The following IQCM variants were observed in gnomAD, a reference collection of about 807,000 sequenced individuals.
IQCM encodes the protein IQ domain-containing protein M.
A neutral mutation model predicts 57.6 loss-of-function variants in IQCM; 45 were observed. The ratio of observed to expected loss-of-function variants is 0.78; its 90% CI spans 0.62 to 1.00. The LOEUF (loss-of-function observed/expected upper bound fraction) is 1.00, where lower values mean the gene tolerates loss of function less well. Ranked by LOEUF, IQCM falls within the 50% of genes least tolerant of loss-of-function variation. IQCM has a pLI of 0.00. For missense variants in IQCM, 468 were observed against 511.6 expected (o/e 0.91, Z 0.82); for synonymous variants, 148 against 158.9 (o/e 0.93, Z 0.51).
intron 13 of IQCM, among the ~76,000 whole-genome samples, chr4:149,361,371 T>C (rs1267654814): frequency 1.3e-5 from 2 of 152,190 alleles, no homozygotes; most frequent in Non-Finnish European, 2.9e-5. Flanking sequence ...AGGAACCTAA[T>C]GTTAACCCCC....
At chr4:149,502,140 TTA>T (rs1187998659) in intron 12 of IQCM, among the ~76,000 whole-genome samples, 213 of 150,462 alleles carry the variant, frequency 1.4e-3, no homozygotes, top group African/African-American at 4.8e-3. Flanking sequence ...TTTTTTATAA[TTA>T]TATATATATA....
intron 12 of IQCM, among the ~76,000 whole-genome samples, chr4:149,459,721 A>G (rs1453539002): frequency 6.6e-6 from 1 of 152,194 alleles, no homozygotes; most frequent in Non-Finnish European, 1.5e-5. Context: ...TTCACATAGC[A>G]TAATGTCCTC....
chr4:149,698,084 C>G (rs1013444600), intron 5 of IQCM, among the ~76,000 whole-genome samples: 1 of 151,934 alleles, frequency 6.6e-6, no homozygotes, highest in Middle Eastern at 3.2e-3. Flanking sequence ...GACGGGTTGT[C>G]TGAATACTTT....
intron 2 of IQCM, among the ~76,000 whole-genome samples, chr4:149,794,248 C>T (rs929169640): frequency 1.6e-4 from 25 of 152,220 alleles, no homozygotes; most frequent in Admixed American, 1.6e-3. Context: ...GGATAAATCC[C>T]TCCCACATTT....
At chr4:149,525,896 A>G (rs1305709603) in intron 12 of IQCM, among the ~76,000 whole-genome samples, 2 of 151,872 alleles carry the variant, frequency 1.3e-5, no homozygotes, top group African/African-American at 4.8e-5. Context: ...ATCAGTAAGA[A>G]AAAGACAAAT....
intron 12 of IQCM, among the ~76,000 whole-genome samples, chr4:149,439,356 C>T (rs896311051): frequency 2.0e-5 from 3 of 152,040 alleles, no homozygotes; most frequent in African/African-American, 7.2e-5. Context: ...ATTAAATAGA[C>T]TTTCAAGTAT....
intron 9 of IQCM, among the ~76,000 whole-genome samples, chr4:149,587,717 G>T (rs1752768494): frequency 6.6e-6 from 1 of 151,718 alleles, no homozygotes; most frequent in Admixed American, 6.6e-5. Context: ...AACTTCAGCT[G>T]GGTCTACTAA....
intron 5 of IQCM, among the ~76,000 whole-genome samples, chr4:149,711,377 G>T (rs1009291545): frequency 6.6e-6 from 1 of 152,138 alleles, no homozygotes; most frequent in African/African-American, 2.4e-5. Context: ...ACTAAATTCA[G>T]ATTCAAATCC....
intron 2 of IQCM, among the ~76,000 whole-genome samples, chr4:149,747,901 T>G (rs1768080523): frequency 6.6e-6 from 1 of 152,184 alleles, no homozygotes; most frequent in Non-Finnish European, 1.5e-5. Context: ...GATATCACTT[T>G]AGCTAACACA....
chr4:149,470,120 G>A (rs369237608), intron 12 of IQCM, among the ~76,000 whole-genome samples: 4 of 151,902 alleles, frequency 2.6e-5, no homozygotes, highest in East Asian at 3.9e-4. Flanking sequence ...TTCACACATA[G>A]CAATATTAAC....
intron 2 of IQCM, among the ~76,000 whole-genome samples, chr4:149,813,954 T>A (rs1308260382): frequency 2.0e-5 from 3 of 152,008 alleles, no homozygotes; most frequent in Non-Finnish European, 4.4e-5. Flanking sequence ...AACCTCCCAA[T>A]AATTGAACAA....
At chr4:149,474,553 C>A (rs909091972) in intron 12 of IQCM, among the ~76,000 whole-genome samples, 52 of 126,640 alleles carry the variant, frequency 4.1e-4, no homozygotes, top group South Asian at 7.8e-4. Flanking sequence ...ACTAAAAATA[C>A]AAAAAAAAAA....
At chr4:149,662,732 T>C (rs939905633) in intron 7 of IQCM, among the ~76,000 whole-genome samples, 1 of 151,994 alleles carries the variant, frequency 6.6e-6, no homozygotes, top group Non-Finnish European at 1.5e-5. Flanking sequence ...TCCTGCTCAG[T>C]TTTGTTTTCC....
chr4:149,782,187 G>A (rs1561269244), intron 2 of IQCM, among the ~76,000 whole-genome samples: 2 of 151,940 alleles, frequency 1.3e-5, no homozygotes, highest in Non-Finnish European at 2.9e-5. Flanking sequence ...CCCATGTTAT[G>A]CATAAGCAAG....
chr4:149,456,779 T>A (rs1323316517), intron 12 of IQCM, among the ~76,000 whole-genome samples: 3 of 151,990 alleles, frequency 2.0e-5, no homozygotes, highest in Non-Finnish European at 4.4e-5. Flanking sequence ...CGAAAGAAGG[T>A]CAGAAAGACC....
At chr4:149,685,926 T>C (rs1245023137) in intron 6 of IQCM, among the ~76,000 whole-genome samples, 2 of 151,608 alleles carry the variant, frequency 1.3e-5, no homozygotes, top group East Asian at 1.9e-4. Context: ...ATGCTCAGAA[T>C]TCCTGTGTTC....
At chr4:149,773,596 CT>C (rs1561259000) in intron 2 of IQCM, among the ~76,000 whole-genome samples, 2 of 152,124 alleles carry the variant, frequency 1.3e-5, no homozygotes, top group Non-Finnish European at 2.9e-5. Flanking sequence ...TCTCACATTT[CT>C]TTTTACATCA....
chr4:149,480,391 C>G (rs770655870), intron 12 of IQCM, among the ~76,000 whole-genome samples: 1 of 152,050 alleles, frequency 6.6e-6, no homozygotes, highest in Non-Finnish European at 1.5e-5. Context: ...CATTAATCAT[C>G]CCCATCTCCT....
At chr4:149,716,548 G>A in intron 5 of IQCM, among the ~76,000 whole-genome samples, 1 of 152,184 alleles carries the variant, frequency 6.6e-6, no homozygotes, top group East Asian at 1.9e-4. Flanking sequence ...GAAGAGGGCG[G>A]GGCTCACACC....
Sources: gnomAD v4.1 joint callset for allele counts (sites outside exome capture counted in the v4.1 genomes callset) on GRCh38, gnomAD v4.1.1 for gene constraint, MANE v1.5 for transcripts, NCBI Gene and HGNC (gene_info 2026-07-23, HGNC 2026-07-21) for gene names.